Variants in THSD7A observed in about 807,000 individuals in gnomAD.
The protein encoded by THSD7A is thrombospondin type-1 domain-containing protein 7A.
Under a neutral mutation model 231.3 loss-of-function variants are expected in THSD7A, and 96 were observed. The ratio of observed to expected loss-of-function variants is 0.41; its 90% confidence interval spans 0.35 to 0.49. The LOEUF (loss-of-function observed/expected upper bound fraction) is 0.49. Ranked by LOEUF, THSD7A falls within the 20% of genes least tolerant of loss-of-function variation. The probability of loss-of-function intolerance (pLI) is 0.05; values close to 1 mark genes in which losing one functional copy is unlikely to be tolerated. For missense variants in THSD7A, 2,290 were observed against 2,070.2 expected (o/e 1.11, Z -2.06); for synonymous variants, 940 against 743.3 (o/e 1.26, Z -4.30).
At chr7:11,779,752 CCTTTT>C (rs778903003) in intron 1 of THSD7A, among the ~76,000 whole-genome samples, 2 of 152,164 alleles carry the variant, frequency 1.3e-5, no homozygotes, top group African/African-American at 2.4e-5. Context: ...TAGTATCTTT[CCTTTT>C]CAAGTCATCA....
chr7:11,549,349 C>G (rs1190985816), intron 4 of THSD7A, among the ~76,000 whole-genome samples: 2 of 151,640 alleles, frequency 1.3e-5, no homozygotes, highest in East Asian at 3.9e-4. Flanking sequence ...ATTAGTTCAG[C>G]CATTGTGGAA....
chr7:11,539,007 C>T (rs886640066), intron 6 of THSD7A, among the ~76,000 whole-genome samples: 2 of 152,156 alleles, frequency 1.3e-5, no homozygotes, highest in Non-Finnish European at 2.9e-5. Flanking sequence ...CTTCAGTTCA[C>T]AGGCTCTAAT....
At chr7:11,453,491 C>T (rs897989415) in intron 11 of THSD7A, among the ~76,000 whole-genome samples, 1 of 152,016 alleles carries the variant, frequency 6.6e-6, no homozygotes, top group African/African-American at 2.4e-5. Flanking sequence ...ATTATGTTGG[C>T]TTCCATCTAA....
At chr7:11,545,515 A>G (rs537601199) in intron 4 of THSD7A, among the ~76,000 whole-genome samples, 5 of 152,324 alleles carry the variant, frequency 3.3e-5, no homozygotes, top group African/African-American at 1.2e-4. Context: ...GATCTTCAGA[A>G]GGATGGCATT....
intron 3 of THSD7A, among the ~76,000 whole-genome samples, chr7:11,592,233 A>C (rs896805015): frequency 1.3e-5 from 2 of 152,200 alleles, no homozygotes; most frequent in Non-Finnish European, 2.9e-5. Flanking sequence ...AAAGTGCTGC[A>C]GAATTATATA....
At chr7:11,582,651 T>A (rs1791215502) in intron 4 of THSD7A, among the ~76,000 whole-genome samples, 1 of 152,160 alleles carries the variant, frequency 6.6e-6, no homozygotes, top group South Asian at 2.1e-4. Flanking sequence ...TGCCCATACT[T>A]TTGAAAGTTA....
intron 1 of THSD7A, among the ~76,000 whole-genome samples, chr7:11,652,843 C>G (rs988222287): frequency 2.0e-5 from 3 of 151,758 alleles, no homozygotes; most frequent in Non-Finnish European, 4.4e-5. Context: ...ATTGATTATT[C>G]CTATAATTGA....
intron 1 of THSD7A, among the ~76,000 whole-genome samples, chr7:11,687,509 T>C (rs1214372141): frequency 6.6e-6 from 1 of 151,848 alleles, no homozygotes; most frequent in African/African-American, 2.4e-5. Flanking sequence ...ATCAAAACAT[T>C]CTTCTCAGTA....
chr7:11,777,464 T>G (rs1439368623), intron 1 of THSD7A, among the ~76,000 whole-genome samples: 1 of 146,666 alleles, frequency 6.8e-6, no homozygotes, highest in Non-Finnish European at 1.5e-5. Flanking sequence ...CACACACTCT[T>G]TAACTGGCAG....
intron 23 of THSD7A, among the ~76,000 whole-genome samples, chr7:11,399,200 G>T (rs1783305986): frequency 6.6e-6 from 1 of 152,162 alleles, no homozygotes; most frequent in African/African-American, 2.4e-5. Context: ...ATGTGAGTAT[G>T]TATTTCATAG....
At chr7:11,737,694 C>T (rs1461039810) in intron 1 of THSD7A, among the ~76,000 whole-genome samples, 1 of 151,756 alleles carries the variant, frequency 6.6e-6, no homozygotes, top group Non-Finnish European at 1.5e-5. Context: ...AATTTTGGGG[C>T]TATATATTAT....
intron 1 of THSD7A, among the ~76,000 whole-genome samples, chr7:11,658,637 G>C (rs1038635432): frequency 6.6e-6 from 1 of 151,608 alleles, no homozygotes; most frequent in Non-Finnish European, 1.5e-5. Context: ...TCTCCTAGGG[G>C]ACTCTTTACT....
chr7:11,636,616 G>A lies in THSD7A; in HGVS notation c.536C>T (p.Pro179Leu). 1 of 1,613,940 alleles carries A rather than the reference G, an allele frequency of 6.2e-7. No individual in the cohort carries two copies. Among genetic ancestry groups the A allele is most frequent in the Non-Finnish European group, 8.5e-7 (1 of 1,179,886 alleles). ...GCAAGCCTGCTCCAGGAGAGGCTTG[G>A]GCTCAAAGTACTCACAGATGATATC... ...AEDIICEYFE[P>L]KPLLEQACLI... The change falls in exon 2 of 28, where the codon CCC (proline) becomes CTC (leucine). Residue 179 changes from proline (P) to leucine (L), a missense_variant. Coordinates refer to ENST00000423059, the MANE Select transcript of THSD7A (RefSeq NM_015204.3). The surrounding 1 kb of genome is among the most constrained non-coding windows in gnomAD (Gnocchi z 10.0).
At chr7:11,660,596 C>T (rs1048149026) in intron 1 of THSD7A, among the ~76,000 whole-genome samples, 7 of 151,190 alleles carry the variant, frequency 4.6e-5, no homozygotes, top group African/African-American at 1.5e-4. Flanking sequence ...ATTACATTAA[C>T]AATGAAATGA....
At chr7:11,506,672 C>G (rs1396520321) in intron 6 of THSD7A, among the ~76,000 whole-genome samples, 2 of 152,208 alleles carry the variant, frequency 1.3e-5, no homozygotes, top group Non-Finnish European at 2.9e-5. Flanking sequence ...TTCAGCTTTA[C>G]TGGCCTTTCA....
chr7:11,549,256 G>A (rs1393222208), intron 4 of THSD7A, among the ~76,000 whole-genome samples: 1 of 152,102 alleles, frequency 6.6e-6, no homozygotes, highest in Non-Finnish European at 1.5e-5. Flanking sequence ...ATGCTGGCAA[G>A]GTTGTGGAGA....
chr7:11,487,730 A>G (rs1408448992), intron 6 of THSD7A, among the ~76,000 whole-genome samples: 1 of 152,086 alleles, frequency 6.6e-6, no homozygotes. Flanking sequence ...TCCCATTGAA[A>G]AAAACTACCA....
intron 11 of THSD7A, among the ~76,000 whole-genome samples, chr7:11,454,892 G>T (rs1303314306): frequency 6.6e-6 from 1 of 151,916 alleles, no homozygotes; most frequent in Non-Finnish European, 1.5e-5. Context: ...CAAACATATA[G>T]CTCTGTACAC....
At chr7:11,728,528 G>A (rs777790726) in intron 1 of THSD7A, among the ~76,000 whole-genome samples, 3 of 151,730 alleles carry the variant, frequency 2.0e-5, no homozygotes, top group Non-Finnish European at 2.9e-5. Context: ...ATTTTTTCCT[G>A]GTAAAAACTC....
Sources: gnomAD v4.1 joint callset for allele counts (sites outside exome capture counted in the v4.1 genomes callset) on GRCh38, gnomAD v4.1.1 for gene constraint, Gnocchi (gnomAD v3.1) non-coding constraint, MANE v1.5 for transcripts, NCBI Gene and HGNC (gene_info 2026-07-23, HGNC 2026-07-21) for gene names.